WWTR1: variants seen among roughly 807,000 people sequenced by gnomAD.
WWTR1 encodes WW domain-containing transcription regulator protein 1.
A neutral mutation model predicts 40.1 loss-of-function variants in WWTR1; 13 were observed. The observed-to-expected ratio is 0.32, with a 90% confidence interval of 0.21 to 0.52. The LOEUF (loss-of-function observed/expected upper bound fraction) is 0.52. WWTR1 is among the 20% of genes least tolerant of loss of function. The pLI, the probability that WWTR1 is intolerant of heterozygous loss-of-function variation, is 0.97. For synonymous variants in WWTR1, 230 were observed against 210.1 expected (o/e 1.09, Z -0.82); for missense variants, 436 against 523.1 (o/e 0.83, Z 1.63).
chr3:149,645,286 A>G (rs926040826), intron 2 of WWTR1, among the ~76,000 whole-genome samples: 7 of 151,000 alleles, frequency 4.6e-5, no homozygotes, highest in Non-Finnish European at 7.4e-5. Flanking sequence ...TCACCGTGTT[A>G]GCCAGGATGG....
chr3:149,671,803 A>T (rs1714097499), intron 1 of WWTR1, among the ~76,000 whole-genome samples: 1 of 152,062 alleles, frequency 6.6e-6, no homozygotes, highest in Non-Finnish European at 1.5e-5. Context: ...AGGTCTTATT[A>T]TTCATTTTTT....
chr3:149,633,526 T>C (rs1470348290), intron 2 of WWTR1, among the ~76,000 whole-genome samples: 1 of 152,226 alleles, frequency 6.6e-6, no homozygotes, highest in African/African-American at 2.4e-5. Context: ...TCCTACCTAC[T>C]AATCCCAGTA....
intron 2 of WWTR1, among the ~76,000 whole-genome samples, chr3:149,588,993 A>G (rs912611447): frequency 1.3e-5 from 2 of 152,178 alleles, no homozygotes; most frequent in African/African-American, 4.8e-5. Flanking sequence ...GGATCAAGGG[A>G]AGTTCTATAA....
intron 3 of WWTR1, among the ~76,000 whole-genome samples, chr3:149,549,173 T>A (rs1736503855): frequency 6.6e-6 from 1 of 152,098 alleles, no homozygotes; most frequent in South Asian, 2.1e-4. Flanking sequence ...CTGCAAATAG[T>A]GAGTTCATTC....
chr3:149,678,253 G>A (rs1404874148), intron 1 of WWTR1, among the ~76,000 whole-genome samples: 1 of 152,098 alleles, frequency 6.6e-6, no homozygotes, highest in Non-Finnish European at 1.5e-5. Context: ...TATAATTACT[G>A]TGCAGCTAGA....
intron 2 of WWTR1, among the ~76,000 whole-genome samples, chr3:149,621,782 A>G (rs1282719595): frequency 6.6e-6 from 1 of 152,236 alleles, no homozygotes; most frequent in African/African-American, 2.4e-5. Flanking sequence ...TCAAAGTTGT[A>G]CATGGACGAT....
intron 2 of WWTR1, among the ~76,000 whole-genome samples, chr3:149,579,363 G>A (rs1576575322): frequency 6.6e-6 from 1 of 152,280 alleles, no homozygotes; most frequent in Non-Finnish European, 1.5e-5. Flanking sequence ...AAGACAGCCT[G>A]GGGTCATAAA....
chr3:149,583,106 T>C (rs1412962138), intron 2 of WWTR1, among the ~76,000 whole-genome samples: 1 of 152,098 alleles, frequency 6.6e-6, no homozygotes, highest in African/African-American at 2.4e-5. Flanking sequence ...GCTAGGATTA[T>C]AGGCGTGTGC....
intron 1 of WWTR1, among the ~76,000 whole-genome samples, chr3:149,681,345 T>A (rs942959531): frequency 2.6e-5 from 4 of 152,242 alleles, no homozygotes; most frequent in Non-Finnish European, 4.4e-5. Flanking sequence ...ACACCTCTTA[T>A]CTTTTGTCTT....
At chr3:149,577,857 C>A (rs761512781) in intron 2 of WWTR1, among the ~76,000 whole-genome samples, 4 of 152,042 alleles carry the variant, frequency 2.6e-5, no homozygotes, top group East Asian at 1.9e-4. Context: ...CATCAGCCTG[C>A]GGAGGGGGTG....
chr3:149,524,420 T>A (rs1275387056), intron 6 of WWTR1, among the ~76,000 whole-genome samples: 5 of 150,506 alleles, frequency 3.3e-5, no homozygotes, highest in African/African-American at 1.2e-4. Context: ...GGCTTCCCAG[T>A]GTTTAGAAGA....
At chr3:149,553,627 C>T (rs1736705014) in intron 3 of WWTR1, among the ~76,000 whole-genome samples, 1 of 152,096 alleles carries the variant, frequency 6.6e-6, no homozygotes, top group Admixed American at 6.6e-5. Context: ...GACCTTCTGG[C>T]CATAGAGGCT....
At chr3:149,666,198 G>A (rs2164342) in intron 2 of WWTR1, among the ~76,000 whole-genome samples, 29,610 of 151,944 alleles carry the variant, frequency 0.19, 3,126 homozygotes, top group Admixed American at 0.3. Context: ...AGTATATATG[G>A]GCTCTACTAT....
intron 2 of WWTR1, among the ~76,000 whole-genome samples, chr3:149,584,221 G>A (rs1005203804): frequency 1.3e-4 from 20 of 152,054 alleles, no homozygotes; most frequent in African/African-American, 4.6e-4. Flanking sequence ...TTTCTAATGG[G>A]GCCAAGTGAA....
At chr3:149,617,729 G>A (rs1366068200) in intron 2 of WWTR1, among the ~76,000 whole-genome samples, 1 of 152,168 alleles carries the variant, frequency 6.6e-6, no homozygotes, top group Non-Finnish European at 1.5e-5. Flanking sequence ...GAACCCGGGA[G>A]GTGGAGGTTA....
intron 1 of WWTR1, among the ~76,000 whole-genome samples, chr3:149,695,924 A>G (rs188268752): frequency 2.5e-4 from 38 of 150,824 alleles, no homozygotes; most frequent in Admixed American, 2.1e-3. Flanking sequence ...TATCCTGGCT[A>G]ACATGGTGAA....
At chr3:149,578,883 C>CA (rs1262966454) in intron 2 of WWTR1, among the ~76,000 whole-genome samples, 4 of 151,542 alleles carry the variant, frequency 2.6e-5, no homozygotes, top group Admixed American at 6.6e-5. Context: ...AACTCCATCT[C>CA]AAAAAAAATA....
chr3:149,556,465 G>C (rs1189934416), intron 3 of WWTR1, among the ~76,000 whole-genome samples: 2 of 152,194 alleles, frequency 1.3e-5, no homozygotes, highest in East Asian at 3.9e-4. Flanking sequence ...TGTAGTCCCA[G>C]CTACTTGGGA....
intron 2 of WWTR1, among the ~76,000 whole-genome samples, chr3:149,605,548 T>C (rs1003393273): frequency 6.6e-6 from 1 of 152,192 alleles, no homozygotes; most frequent in Non-Finnish European, 1.5e-5. Flanking sequence ...GAGAGTGAGA[T>C]AATGAATTTG....
Sources: allele counts gnomAD v4.1 joint callset (sites outside exome capture counted in the v4.1 genomes callset), GRCh38; gene constraint gnomAD v4.1.1; transcripts MANE v1.5; gene names NCBI Gene and HGNC (gene_info 2026-07-23, HGNC 2026-07-21).